CCDC7: variants seen among roughly 807,000 people sequenced by gnomAD.
CCDC7 encodes the protein coiled-coil domain containing 7.
Under a neutral mutation model 196.9 loss-of-function variants are expected in CCDC7, and 183 were observed. The ratio of observed to expected loss-of-function variants is 0.93; its 90% confidence interval spans 0.82 to 1.05. CCDC7 has a LOEUF of 1.05. Among genes scored for constraint, CCDC7 ranks in the 50% least tolerant of loss-of-function variants. CCDC7 has a pLI of 0.00. For missense variants in CCDC7, 1,540 were observed against 1,482.2 expected (o/e 1.04, Z -0.64); for synonymous variants, 525 against 484.6 (o/e 1.08, Z -1.10).
chr10:32,691,645 A>G (rs77762351), intron 23 of CCDC7, among the ~76,000 whole-genome samples: 2 of 152,346 alleles, frequency 1.3e-5, no homozygotes, highest in East Asian at 1.9e-4. Flanking sequence ...TCCTCACTCC[A>G]TCAGTGATCT....
rs117881645 is a variant in CCDC7 at position 32,578,120 on chromosome 10, G to A, written c.1455-4914G>A. Among the ~76,000 whole-genome samples, 58 of 152,234 alleles carry A rather than the reference G, an allele frequency of 3.8e-4. No individual in the cohort carries two copies. In the East Asian group the frequency reaches 0.011, roughly 29 times the overall value. ...TTTAGGATGCCTAGACCTCTTCCAA[G>A]GCATGTTAATATATGGGCTTCTATT... is the stretch of plus-strand genomic sequence containing the variant. On this transcript the variant is annotated intron_variant, in intron 16 of 41. Coordinates refer to ENST00000639629, the Ensembl canonical transcript of CCDC7.
At chr10:32,757,528 G>A (rs1427269224) in intron 28 of CCDC7, among the ~76,000 whole-genome samples, 1 of 152,180 alleles carries the variant, frequency 6.6e-6, no homozygotes, top group Admixed American at 6.5e-5. Flanking sequence ...AATGAAGGCA[G>A]AAATAAAGAT....
chr10:32,665,492 G>T (rs1347355252), intron 21 of CCDC7, among the ~76,000 whole-genome samples: 1 of 152,026 alleles, frequency 6.6e-6, no homozygotes, highest in Non-Finnish European at 1.5e-5. Flanking sequence ...TGTATATAGT[G>T]TGAGATGAAG....
At chr10:32,461,108 C>A (rs763704959) in intron 3 of CCDC7, among the ~76,000 whole-genome samples, 4 of 152,084 alleles carry the variant, frequency 2.6e-5, no homozygotes, top group Non-Finnish European at 5.9e-5. Flanking sequence ...AATGTAATCA[C>A]TTTAACATTA....
chr10:32,860,252 G>T (rs563561239), intron 41 of CCDC7, among the ~76,000 whole-genome samples: 80 of 152,278 alleles, frequency 5.3e-4, no homozygotes, highest in Admixed American at 3.2e-3. Flanking sequence ...TGCAAGGCTG[G>T]TTCAGCATAC....
intron 21 of CCDC7, among the ~76,000 whole-genome samples, chr10:32,668,417 G>T (rs866804948): frequency 8.5e-5 from 13 of 152,112 alleles, no homozygotes; most frequent in Non-Finnish European, 1.6e-4. Flanking sequence ...TTGGATAGGA[G>T]TGGTGAGAGA....
At chr10:32,506,778 A>T (rs1307625543) in intron 9 of CCDC7, among the ~76,000 whole-genome samples, 1 of 152,022 alleles carries the variant, frequency 6.6e-6, no homozygotes, top group African/African-American at 2.4e-5. Context: ...CGGGAGCCCG[A>T]GGCAGGGAGG....
At chr10:32,832,117 T>C (rs1167986708) in intron 32 of CCDC7, among the ~76,000 whole-genome samples, 4 of 152,270 alleles carry the variant, frequency 2.6e-5, no homozygotes, top group Admixed American at 2.6e-4. Flanking sequence ...ATCTTATATG[T>C]AGTCTAAACA....
At chr10:32,716,101 T>C (rs1470147238) in intron 25 of CCDC7, among the ~76,000 whole-genome samples, 1 of 151,996 alleles carries the variant, frequency 6.6e-6, no homozygotes. Context: ...CACATAATTA[T>C]CAGATTTACC....
intron 28 of CCDC7, among the ~76,000 whole-genome samples, chr10:32,751,644 T>C (rs571249347): frequency 3.7e-4 from 56 of 152,282 alleles, no homozygotes; most frequent in Non-Finnish European, 6.9e-4. Context: ...AAATCAAGAC[T>C]GTAGCCTCTC....
intron 16 of CCDC7, among the ~76,000 whole-genome samples, chr10:32,577,651 G>A (rs2058348598): frequency 6.6e-6 from 1 of 152,134 alleles, no homozygotes; most frequent in Non-Finnish European, 1.5e-5. Context: ...TTGTCAGGTG[G>A]CAAATCTTTC....
At chr10:32,640,507 C>T (rs1396140577) in intron 20 of CCDC7, among the ~76,000 whole-genome samples, 5 of 152,242 alleles carry the variant, frequency 3.3e-5, no homozygotes, top group African/African-American at 1.2e-4. Flanking sequence ...AGCCTATTTA[C>T]ATTTAAGGTT....
chr10:32,509,745 T>C (rs2045818457), intron 9 of CCDC7, among the ~76,000 whole-genome samples: 1 of 152,136 alleles, frequency 6.6e-6, no homozygotes, highest in African/African-American at 2.4e-5. Flanking sequence ...TAGATATTTT[T>C]CCAAAGAAGA....
chr10:32,460,770 T>C (rs562397817), intron 3 of CCDC7, among the ~76,000 whole-genome samples: 19 of 152,310 alleles, frequency 1.2e-4, no homozygotes, highest in Non-Finnish European at 2.5e-4. Flanking sequence ...GACTTTAGCA[T>C]GCAAAGCAAT....
intron 11 of CCDC7, among the ~76,000 whole-genome samples, chr10:32,542,691 G>C (rs1358981247): frequency 2.0e-5 from 3 of 149,172 alleles, no homozygotes; most frequent in Non-Finnish European, 4.4e-5. Flanking sequence ...TGGTTCACCT[G>C]TATATAGTGT....
intron 20 of CCDC7, among the ~76,000 whole-genome samples, chr10:32,657,561 A>G (rs1176549288): frequency 6.6e-6 from 1 of 152,198 alleles, no homozygotes; most frequent in African/African-American, 2.4e-5. Context: ...AGCAGCTGGG[A>G]TGTAGGGCAC....
At chr10:32,511,273 G>GGGAAAT in intron 9 of CCDC7, 4 of 782,436 alleles carry the variant, frequency 5.1e-6, no homozygotes, top group South Asian at 1.9e-5. Flanking sequence ...GGGGGGGCGG[G>GGGAAAT]GAAATGTACT....
chr10:32,581,169 C>T lies in CCDC7; in HGVS notation c.1455-1865C>T, dbSNP rs17230437. ...TGCTGTCAATATGCTTATATAAAAG[C>T]TGCTAAAATACATGCTCATAATTAG... On this transcript the variant is annotated intron_variant, in intron 16 of 41. Transcript: ENST00000639629. Among the ~76,000 whole-genome samples, 1,202 of 152,176 alleles carry T rather than the reference C, an allele frequency of 7.9e-3. 7 individuals carry two copies. The highest frequency in any genetic ancestry group is 0.02 in the Middle Eastern group (6 of 294).
intron 13 of CCDC7, among the ~76,000 whole-genome samples, chr10:32,562,470 A>G (rs11008976): frequency 0.34 from 52,357 of 152,038 alleles, 11,416 homozygotes; most frequent in Non-Finnish European, 0.5. Context: ...AGTTGGCTTC[A>G]TCCCTGGGAT....
Sources: allele counts gnomAD v4.1 joint callset (sites outside exome capture counted in the v4.1 genomes callset), GRCh38; gene constraint gnomAD v4.1.1; transcripts MANE v1.5; gene names NCBI Gene and HGNC (gene_info 2026-07-23, HGNC 2026-07-21).